The following ARHGAP26 variants were observed in gnomAD, a reference collection of about 807,000 sequenced individuals.
The protein encoded by ARHGAP26 is rho GTPase-activating protein 26.
ARHGAP26 carries 38 observed loss-of-function variants against 104.8 expected under a neutral mutation model. The ratio of observed to expected loss-of-function variants is 0.36; its 90% CI spans 0.28 to 0.48. The LOEUF (loss-of-function observed/expected upper bound fraction) is 0.48. Ranked by LOEUF, ARHGAP26 falls within the 20% of genes least tolerant of loss-of-function variation. The pLI is 0.99. For missense variants in ARHGAP26, 704 were observed against 947.9 expected (o/e 0.74, Z 3.38); for synonymous variants, 341 against 340.0 (o/e 1.00, Z -0.03).
intron 11 of ARHGAP26, among the ~76,000 whole-genome samples, chr5:142,975,961 G>A (rs753008840): frequency 4.6e-5 from 7 of 152,156 alleles, no homozygotes; most frequent in Admixed American, 6.5e-5. Context: ...ATAAACCACC[G>A]TATGGAGGAA....
intron 21 of ARHGAP26, 45 bp from the exon 22 acceptor site, chr5:143,213,951 TA>T: frequency 7.9e-7 from 1 of 1,268,156 alleles, no homozygotes; most frequent in Non-Finnish European, 1.1e-6. Flanking sequence ...TGGGGCTTTC[TA>T]AGGGTTTTTT....
At chr5:143,060,726 G>A (rs761674224) in intron 17 of ARHGAP26, among the ~76,000 whole-genome samples, 6 of 151,780 alleles carry the variant, frequency 4.0e-5, no homozygotes, top group African/African-American at 4.8e-5. Context: ...GACATTTCTG[G>A]GCTCTGTGGG....
chr5:143,022,985 C>T (rs72799099), intron 12 of ARHGAP26, among the ~76,000 whole-genome samples: 6,942 of 152,286 alleles, frequency 0.046, 212 homozygotes, highest in Non-Finnish European at 0.066. Context: ...ATCCCATATT[C>T]CTTCTTAGTG....
intron 11 of ARHGAP26, among the ~76,000 whole-genome samples, chr5:142,977,900 C>T (rs1255218430): frequency 1.3e-5 from 2 of 152,222 alleles, no homozygotes; most frequent in Non-Finnish European, 2.9e-5. Flanking sequence ...TTCCTGGCTA[C>T]ATTCACCAGC....
chr5:142,959,360 C>A (rs1292548220), intron 11 of ARHGAP26, among the ~76,000 whole-genome samples: 1 of 152,220 alleles, frequency 6.6e-6, no homozygotes, highest in Non-Finnish European at 1.5e-5. Context: ...AGTTCTGAAG[C>A]TCAGAAATCT....
At chr5:142,878,691 T>G (rs902303940) in intron 3 of ARHGAP26, among the ~76,000 whole-genome samples, 1 of 152,156 alleles carries the variant, frequency 6.6e-6, no homozygotes, top group Non-Finnish European at 1.5e-5. Flanking sequence ...ATGAAGGAGC[T>G]GTCCCTGTAA....
At chr5:142,821,044 C>T (rs975473183) in intron 1 of ARHGAP26, among the ~76,000 whole-genome samples, 1 of 152,156 alleles carries the variant, frequency 6.6e-6, no homozygotes, top group Non-Finnish European at 1.5e-5. Flanking sequence ...ATGAGGACTC[C>T]TTGAGGTGGA....
At chr5:143,200,475 T>C (rs1807525343) in intron 20 of ARHGAP26, among the ~76,000 whole-genome samples, 1 of 152,110 alleles carries the variant, frequency 6.6e-6, no homozygotes, top group African/African-American at 2.4e-5. Context: ...GAGTATACCA[T>C]ACAATAGAAC....
At chr5:143,205,507 T>C (rs1808424140) in intron 20 of ARHGAP26, among the ~76,000 whole-genome samples, 2 of 152,168 alleles carry the variant, frequency 1.3e-5, no homozygotes, top group African/African-American at 4.8e-5. Context: ...CCCTTGCAAA[T>C]AGGGTAGGTA....
At chr5:143,007,850 C>A (rs1480608373) in intron 11 of ARHGAP26, among the ~76,000 whole-genome samples, 3 of 152,166 alleles carry the variant, frequency 2.0e-5, no homozygotes, top group Non-Finnish European at 4.4e-5. Context: ...GATTAAGAAC[C>A]ATTGATTTAA....
rs772425317 is a variant in ARHGAP26 at position 143,225,283 on chromosome 5, G to A, written c.*2837G>A. On this transcript the variant is annotated 3_prime_UTR_variant, in exon 23 of 23. Transcript: ENST00000645722. ...GCTCACTGCAACCTCCACCTCCCAG[G>A]TTCAAGTGATTCTCCTGTCTCAGCC... The A allele has an allele frequency of 5.4e-4, 98 of 182,708 alleles. 2 individuals carry two copies. The highest frequency in any genetic ancestry group is 2.0e-3 in the Middle Eastern group (1 of 492). 11.3% of individuals were successfully genotyped at this position (182,708 alleles called of 1,614,324 possible).
chr5:143,057,331 A>G (rs899911695), intron 16 of ARHGAP26, among the ~76,000 whole-genome samples: 1 of 152,198 alleles, frequency 6.6e-6, no homozygotes, highest in African/African-American at 2.4e-5. Context: ...CTAGGGAGCC[A>G]GCTACTCCTG....
At chr5:143,110,182 T>C (rs943768952) in intron 17 of ARHGAP26, among the ~76,000 whole-genome samples, 1 of 152,202 alleles carries the variant, frequency 6.6e-6, no homozygotes, top group Non-Finnish European at 1.5e-5. Flanking sequence ...CCCATCCCTT[T>C]CATGCTGGCT....
intron 12 of ARHGAP26, among the ~76,000 whole-genome samples, chr5:143,015,308 T>C (rs1342419891): frequency 6.6e-6 from 1 of 152,072 alleles, no homozygotes; most frequent in African/African-American, 2.4e-5. Flanking sequence ...ACAGTAACAA[T>C]AATGAAGGAA....
At chr5:142,879,722 C>T (rs1235626367) in intron 4 of ARHGAP26, among the ~76,000 whole-genome samples, 2 of 152,154 alleles carry the variant, frequency 1.3e-5, no homozygotes, top group African/African-American at 4.8e-5. Context: ...AAGGTAGAAA[C>T]CACACCTCAT....
chr5:142,878,768 T>C (rs1300264553), intron 3 of ARHGAP26, among the ~76,000 whole-genome samples: 1 of 151,978 alleles, frequency 6.6e-6, no homozygotes, highest in Non-Finnish European at 1.5e-5. Flanking sequence ...ACGAGTTTGG[T>C]GCGTTTGAGG....
intron 14 of ARHGAP26, among the ~76,000 whole-genome samples, chr5:143,052,427 G>T (rs548752032): frequency 6.6e-6 from 1 of 151,390 alleles, no homozygotes; most frequent in South Asian, 2.1e-4. Flanking sequence ...CCAAGACTGC[G>T]CCACTGCACT....
intron 10 of ARHGAP26, among the ~76,000 whole-genome samples, chr5:142,930,681 C>T (rs919790321): frequency 2.0e-4 from 30 of 152,176 alleles, no homozygotes; most frequent in Admixed American, 1.2e-3. Flanking sequence ...CCGACCCACA[C>T]GCATTTACAC....
At chr5:142,922,724 G>A (rs1763367384) in intron 10 of ARHGAP26, among the ~76,000 whole-genome samples, 1 of 152,196 alleles carries the variant, frequency 6.6e-6, no homozygotes, top group African/African-American at 2.4e-5. Flanking sequence ...TCCTGTGTGT[G>A]CTGAGAACCT....
Sources: gnomAD v4.1 joint callset for allele counts (sites outside exome capture counted in the v4.1 genomes callset) on GRCh38, gnomAD v4.1.1 for gene constraint, MANE v1.5 for transcripts, NCBI Gene and HGNC (gene_info 2026-07-23, HGNC 2026-07-21) for gene names.